SF3A1: variants seen among roughly 807,000 people sequenced by gnomAD.
The protein encoded by SF3A1 is splicing factor 3a subunit 1.
SF3A1 carries 13 observed loss-of-function variants against 89.9 expected under a neutral mutation model. The ratio of observed to expected loss-of-function variants is 0.14; its 90% CI spans 0.09 to 0.23. The LOEUF (loss-of-function observed/expected upper bound fraction) is 0.23. Ranked by LOEUF, SF3A1 falls within the 10% of genes least tolerant of loss-of-function variation. The pLI, the probability that SF3A1 is intolerant of heterozygous loss-of-function variation, is 1.00. For synonymous variants in SF3A1, 405 were observed against 374.4 expected (o/e 1.08, Z -0.94); for missense variants, 604 against 1,022.1 (o/e 0.59, Z 5.58).
At chr22:30,352,786 G>C in intron 2 of SF3A1, 165 bp downstream of exon 2, 1 of 681,004 alleles carries the variant, frequency 1.5e-6, no homozygotes, top group Non-Finnish European at 2.4e-6. Flanking sequence ...TGCTGTGTCA[G>C]GGACACCAGT....
chr22:30,343,491 A>T (rs774549047), intron 4 of SF3A1, among the ~76,000 whole-genome samples: 2 of 152,220 alleles, frequency 1.3e-5, no homozygotes, highest in Non-Finnish European at 2.9e-5. Context: ...TGTTCTAAAC[A>T]GCCCCAACAG....
intron 2 of SF3A1, chr22:30,352,503 T>C (rs1931633000): frequency 6.3e-6 from 1 of 157,964 alleles, no homozygotes; most frequent in African/African-American, 2.4e-5. Context: ...CTGAACTGCA[T>C]GCAGCCCCAT....
At chr22:30,342,969 G>T in intron 4 of SF3A1, 90 bp from the exon 5 acceptor site, 1 of 788,026 alleles carries the variant, frequency 1.3e-6, no homozygotes, top group Non-Finnish European at 2.1e-6. Flanking sequence ...AAGCACAGGA[G>T]ATGAGGAAGC....
chr22:30,340,137 A>G lies in SF3A1; in HGVS notation c.1375+59T>C. On this transcript the variant is annotated intron_variant, in intron 9 of 15. Transcript: ENST00000215793. ...CAATTGTTGCTTTCTATGTTTGCTTAGAAGAAGATGGCTGTAATTCGGAGA... is the reference window on the plus strand; with the variant it reads ...CAATTGTTGCTTTCTATGTTTGCTTGGAAGAAGATGGCTGTAATTCGGAGA... The G allele has an allele frequency of 2.9e-6, 4 of 1,371,178 alleles. No individual in the cohort carries two copies. In the South Asian group the frequency reaches 4.9e-5, roughly 17 times the overall value. 84.9% of individuals were successfully genotyped at this position (1,371,178 alleles called of 1,614,324 possible).
chr22:30,334,740 G>C, intron 15 of SF3A1, 45 bp from the exon 16 acceptor site: 1 of 1,368,706 alleles, frequency 7.3e-7, no homozygotes, highest in Non-Finnish European at 1.0e-6. Context: ...ACCCAGCCTT[G>C]GGGATACCGC....
Position 30,345,159 on chromosome 22 carries a change from A to T in SF3A1, c.425T>A (p.Val142Glu). The change falls in exon 4 of 16, where the codon GTG (valine) becomes GAG (glutamate). Residue 142 changes from valine to glutamate, a missense_variant. Val to Glu is a moderately radical substitution (Grantham distance 121). This residue lies in a region of SF3A1 where 162 missense variants were observed against 229.2 expected (regional missense o/e 0.71). Transcript: ENST00000215793. Reference protein sequence around the residue: ...VQAQVIQETIVPKEPPPEFEF... With the variant: ...VQAQVIQETIEPKEPPPEFEF... ...AAACTCAGGAGGAGGCTCTTTGGGC[A>T]CGATGGTCTCTTGGATTACTTGGGC... is the stretch of plus-strand genomic sequence containing the variant. 1 of 1,614,080 alleles carries T rather than the reference A, an allele frequency of 6.2e-7. No individual in the cohort carries two copies. Among genetic ancestry groups the T allele is most frequent in the Non-Finnish European group, 8.5e-7 (1 of 1,179,900 alleles).
chr22:30,340,188 C>CA lies in SF3A1; in HGVS notation c.1375+7dup, dbSNP rs771989571. 24 of 1,503,140 alleles carry CA rather than the reference C, an allele frequency of 1.6e-5. No individual in the cohort carries two copies. Among genetic ancestry groups the CA allele is most frequent in the African/African-American group, 2.8e-5 (2 of 70,638 alleles). The allele number at this position is 1,503,140 out of a possible 1,614,324, so 93.1% of individuals were successfully genotyped here. ...CTACCATGGGCTCTCCTGGAACCCC[C>CA]ACCTCACCTGGTGCGTACACCTCAT... is the stretch of plus-strand genomic sequence containing the variant. On this transcript the variant is annotated splice_region_variant and intron_variant, in intron 9 of 15. Transcript: ENST00000215793.
At chr22:30,356,576 TACCAGAACACC>T (rs1453165908) in intron 1 of SF3A1, 143 bp downstream of exon 1, 2 of 554,378 alleles carry the variant, frequency 3.6e-6, no homozygotes, top group African/African-American at 3.9e-5. Flanking sequence ...CTCATTTCGC[TACCAGAACACC>T]ACCATAGCGC....
chr22:30,354,805 T>C (rs1931714154), intron 1 of SF3A1, among the ~76,000 whole-genome samples: 1 of 152,100 alleles, frequency 6.6e-6, no homozygotes, highest in Non-Finnish European at 1.5e-5. Flanking sequence ...GCACCTATAA[T>C]CCCGGTGACT....
chr22:30,349,346 T>C (rs1470966502), intron 2 of SF3A1, among the ~76,000 whole-genome samples: 1 of 152,246 alleles, frequency 6.6e-6, no homozygotes. Context: ...AGTGGCACAA[T>C]CTTGGCTCAC....
chr22:30,335,068 G>C (rs577040381), intron 15 of SF3A1, among the ~76,000 whole-genome samples: 2 of 152,308 alleles, frequency 1.3e-5, no homozygotes, highest in South Asian at 2.1e-4. Context: ...CAGAGAAGAA[G>C]AACATTAATG....
chr22:30,341,600 A>G, intron 7 of SF3A1, 92 bp downstream of exon 7: 1 of 727,772 alleles, frequency 1.4e-6, no homozygotes, highest in Non-Finnish European at 2.1e-6. Flanking sequence ...TTCAAGGCTC[A>G]CAGGGGAGCT....
At position 30,340,715 on chromosome 22, in the gene SF3A1, C is replaced by T. The variant is rs768376788; in HGVS notation, c.1169G>A (p.Arg390His). Residue 390 changes from arginine to histidine, a missense_variant, in exon 8 of 16, where the codon CGC becomes CAC. By Grantham distance (29) the Arg-to-His change is conservative. Transcript: ENST00000215793. ...LPPTPDQVIV[R>H]KDYDPKASKP... ...CCTACCTTTGGGATCATAATCCTTG[C>T]GGACAATGACTTGGTCTGGAGTTGG... 6.2e-7 allele frequency: 1 copy of T among 1,604,326 alleles called. No individual in the cohort carries two copies. The highest frequency in any genetic ancestry group is 1.1e-5 in the South Asian group (1 of 90,704).
At position 30,337,115 on chromosome 22, in the gene SF3A1, G is replaced by A. The variant is rs142230972; in HGVS notation, c.2017C>T (p.Pro673Ser). The A allele has an allele frequency of 6.2e-7, 1 of 1,614,000 alleles. No individual in the cohort carries two copies. Among genetic ancestry groups the A allele is most frequent in the Non-Finnish European group, 8.5e-7 (1 of 1,179,990 alleles). Residue 673 changes from proline to serine, a missense_variant, in exon 13 of 16, where the codon CCA (proline) becomes TCA (serine). By Grantham distance (74) the Pro-to-Ser change is moderately conservative. Around this residue, in one of 9 missense-constraint regions of SF3A1, gnomAD observed 45 missense variants for 41.1 expected, o/e 1.09. Transcript: ENST00000215793. ...GTGGGCTCATCTTCCATGGGAGGTG[G>A]GGGATGCACAGGGGGCATTGGGGCT... ...APAPMPPVHP[P>S]PPMEDEPTSK...
chr22:30,337,969 T>A (rs1931126469), intron 11 of SF3A1, 72 bp from the exon 12 acceptor site: 3 of 1,075,562 alleles, frequency 2.8e-6, no homozygotes, highest in Non-Finnish European at 4.2e-6. Context: ...AGTTGGCAAC[T>A]GGCTGCCTGC....
At chr22:30,347,355 T>G (rs1931452411) in intron 2 of SF3A1, among the ~76,000 whole-genome samples, 1 of 152,044 alleles carries the variant, frequency 6.6e-6, no homozygotes, top group South Asian at 2.1e-4. Context: ...GTCCAAGTAC[T>G]CCCTAAAACC....
chr22:30,347,421 C>T (rs1005131569), intron 2 of SF3A1, among the ~76,000 whole-genome samples: 2 of 152,204 alleles, frequency 1.3e-5, no homozygotes, highest in Non-Finnish European at 2.9e-5. Flanking sequence ...AAAACCCAGA[C>T]TCGTACAGCT....
rs1225863671 is a variant in SF3A1 at position 30,342,259 on chromosome 22, T to C, written c.818A>G (p.Gln273Arg). The change falls in exon 6 of 16, where the codon CAG becomes CGG. Residue 273 changes from glutamine to arginine, a missense_variant. By Grantham distance (43) the Gln-to-Arg change is conservative (BLOSUM62 1). This residue lies in a region of SF3A1 where 6 missense variants were observed against 36.3 expected (regional missense o/e 0.17). Coordinates refer to ENST00000215793, the MANE Select transcript of SF3A1 (RefSeq NM_005877.6). The part of the protein sequence containing the change: ...EKEKERVAYA[Q>R]IDWHDFVVVE... ...CACCACAAAATCATGCCAGTCGATC[T>C]GAGCATAGGCCACCCGCTCCTTCTC... 1.2e-6 allele frequency: 2 copies of C among 1,614,112 alleles called. No homozygotes were observed. The highest frequency in any genetic ancestry group is 1.6e-4 in the Middle Eastern group (1 of 6,082).
At chr22:30,352,877 C>T (rs550861395) in intron 2 of SF3A1, 74 bp downstream of exon 2, 141 of 1,572,836 alleles carry the variant, frequency 9.0e-5, no homozygotes, top group Non-Finnish European at 1.2e-4. Flanking sequence ...TCTTTAAAAA[C>T]CCTTGTGCTG....
Sources: allele counts gnomAD v4.1 joint callset (sites outside exome capture counted in the v4.1 genomes callset), GRCh38; gene constraint gnomAD v4.1.1; regional missense constraint gnomAD v4.1.1; transcripts MANE v1.5; gene names NCBI Gene and HGNC (gene_info 2026-07-23, HGNC 2026-07-21).